PTH2R: variants seen among roughly 807,000 people sequenced by gnomAD.
The protein encoded by PTH2R is parathyroid hormone 2 receptor.
A neutral mutation model predicts 60.3 loss-of-function variants in PTH2R; 59 were observed. The ratio of observed to expected loss-of-function variants is 0.98; its 90% CI spans 0.79 to 1.22. The LOEUF (loss-of-function observed/expected upper bound fraction) is 1.22. Ranked by LOEUF, PTH2R falls within the 50% of genes most tolerant of loss-of-function variation. PTH2R has a pLI of 0.00. For missense variants in PTH2R, 749 were observed against 682.6 expected, an observed-to-expected ratio of 1.10 and a Z score of -1.08; for synonymous variants, 256 against 243.8, an observed-to-expected ratio of 1.05 and a Z score of -0.47.
chr2:208,362,365 A>T (rs1305284723), intron 1 of PTH2R, among the ~76,000 whole-genome samples: 3 of 152,228 alleles, frequency 2.0e-5, no homozygotes, highest in Non-Finnish European at 4.4e-5. Flanking sequence ...TCATATAGAT[A>T]TGATATCTAT....
At chr2:208,415,543 A>G (rs1474578585) in intron 1 of PTH2R, among the ~76,000 whole-genome samples, 1 of 152,224 alleles carries the variant, frequency 6.6e-6, no homozygotes, top group Non-Finnish European at 1.5e-5. Flanking sequence ...TGTCAAAATA[A>G]GAAGAGAAAA....
chr2:208,463,096 G>T (rs945947720), intron 9 of PTH2R, among the ~76,000 whole-genome samples: 20 of 152,094 alleles, frequency 1.3e-4, no homozygotes, highest in Non-Finnish European at 2.6e-4. Context: ...AGAGAGTTAG[G>T]GCTTGGAATT....
intron 1 of PTH2R, chr2:208,360,345 C>T (rs1413318097): frequency 3.2e-6 from 1 of 310,962 alleles, no homozygotes; most frequent in Non-Finnish European, 6.5e-6. Context: ...GCGGCCTCCC[C>T]GAGCCCCTCG....
In PTH2R at chr2:208,479,162, C is replaced by T. The variant is rs369483648; in HGVS notation, c.982-1908C>T. ...CATAGTCAATTTGGTTGGCCTTGAA[C>T]GTATCTTCTCAGTTATTAAATGGGT... On this transcript the variant is annotated intron_variant, in intron 9 of 12. Coordinates refer to ENST00000272847, the MANE Select transcript of PTH2R (RefSeq NM_005048.4). Among the ~76,000 whole-genome samples, 47 of 151,830 alleles carry T rather than the reference C, an allele frequency of 3.1e-4. 1 individual carries two copies. The East Asian group carries it at 4.1e-3, about 13-fold the overall frequency.
intron 1 of PTH2R, among the ~76,000 whole-genome samples, chr2:208,427,164 T>C (rs1321977712): frequency 6.6e-6 from 1 of 152,222 alleles, no homozygotes; most frequent in African/African-American, 2.4e-5. Context: ...TCACAATTTA[T>C]ACAATGTTTT....
At chr2:208,435,749 G>C (rs1254375477) in intron 2 of PTH2R, among the ~76,000 whole-genome samples, 4 of 152,182 alleles carry the variant, frequency 2.6e-5, no homozygotes, top group Non-Finnish European at 4.4e-5. Flanking sequence ...GCCCTGCCCA[G>C]CCCTTGATTT....
At chr2:208,427,378 C>T (rs1701877310) in intron 1 of PTH2R, among the ~76,000 whole-genome samples, 1 of 152,136 alleles carries the variant, frequency 6.6e-6, no homozygotes, top group Non-Finnish European at 1.5e-5. Flanking sequence ...AGATTTTAGG[C>T]TCACTTTCAG....
Position 208,480,070 on chromosome 2 carries a change from G to A in PTH2R, c.982-1000G>A, listed in dbSNP as rs187300408. Among the ~76,000 whole-genome samples, 177 of 152,268 alleles carry A rather than the reference G, an allele frequency of 1.2e-3. 1 individual carries two copies. The highest frequency in any genetic ancestry group is 4.2e-3 in the African/African-American group (173 of 41,548). ...GGTGCTCACAGGGTTGTCAGTGGTCGGATAGCAGTGAGTTTGGTGGGGTGT... is the reference window on the plus strand; with the variant it reads ...GGTGCTCACAGGGTTGTCAGTGGTCAGATAGCAGTGAGTTTGGTGGGGTGT... On this transcript the variant is annotated intron_variant, in intron 9 of 12. Transcript: ENST00000272847.
At chr2:208,485,262 T>C (rs1460172783) in intron 10 of PTH2R, among the ~76,000 whole-genome samples, 2 of 152,180 alleles carry the variant, frequency 1.3e-5, no homozygotes, top group African/African-American at 4.8e-5. Context: ...GGAATCTATT[T>C]TCTAAACAGG....
chr2:208,391,567 C>T (rs995578155), intron 1 of PTH2R, among the ~76,000 whole-genome samples: 2 of 152,164 alleles, frequency 1.3e-5, no homozygotes, highest in African/African-American at 4.8e-5. Flanking sequence ...TTTTGAACTT[C>T]AGGTTTCCAG....
intron 1 of PTH2R, among the ~76,000 whole-genome samples, chr2:208,424,747 A>C (rs142251723): frequency 1.3e-5 from 2 of 152,278 alleles, no homozygotes; most frequent in Non-Finnish European, 2.9e-5. Flanking sequence ...CTCAGGCTAA[A>C]TCTTCCTGGG....
At chr2:208,427,599 A>G (rs142509486) in intron 1 of PTH2R, among the ~76,000 whole-genome samples, 55 of 152,306 alleles carry the variant, frequency 3.6e-4, no homozygotes, top group East Asian at 1.7e-3. Context: ...TTTGTGCTGT[A>G]AATATCTTAG....
intron 9 of PTH2R, among the ~76,000 whole-genome samples, chr2:208,460,859 A>T (rs983327242): frequency 6.6e-6 from 1 of 152,178 alleles, no homozygotes; most frequent in Non-Finnish European, 1.5e-5. Flanking sequence ...TTGATTATTA[A>T]CTAATTTTGA....
chr2:208,377,199 A>G (rs1700809363), intron 1 of PTH2R, among the ~76,000 whole-genome samples: 1 of 152,134 alleles, frequency 6.6e-6, no homozygotes, highest in Admixed American at 6.5e-5. Flanking sequence ...GTAAGGTCAT[A>G]GATCAACAGC....
chr2:208,379,971 A>G (rs1700881364), intron 1 of PTH2R, among the ~76,000 whole-genome samples: 1 of 152,026 alleles, frequency 6.6e-6, no homozygotes, highest in African/African-American at 2.4e-5. Context: ...ATCCCAAATC[A>G]ATTATCCAGT....
At chr2:208,490,772 C>A in intron 12 of PTH2R, 92 bp downstream of exon 12, 4 of 1,256,608 alleles carry the variant, frequency 3.2e-6, no homozygotes, top group East Asian at 2.5e-5. Context: ...TCCAGGATTT[C>A]CAGGATGGAA....
At chr2:208,426,927 C>T (rs1031012807) in intron 1 of PTH2R, among the ~76,000 whole-genome samples, 6 of 152,140 alleles carry the variant, frequency 3.9e-5, no homozygotes, top group Admixed American at 1.3e-4. Context: ...TACTTGCTCC[C>T]GGCTAAACTG....
At chr2:208,466,068 C>G (rs1053600688) in intron 9 of PTH2R, among the ~76,000 whole-genome samples, 1 of 152,078 alleles carries the variant, frequency 6.6e-6, no homozygotes, top group Non-Finnish European at 1.5e-5. Context: ...ACTGCCAATA[C>G]GTGATTTCTA....
At chr2:208,398,001 A>C (rs939844772) in intron 1 of PTH2R, among the ~76,000 whole-genome samples, 2 of 152,244 alleles carry the variant, frequency 1.3e-5, no homozygotes, top group Non-Finnish European at 2.9e-5. Flanking sequence ...TCTGCCTAAA[A>C]TAATTTTTTA....
Sources: gnomAD v4.1 joint callset for allele counts (sites outside exome capture counted in the v4.1 genomes callset) on GRCh38, gnomAD v4.1.1 for gene constraint, MANE v1.5 for transcripts, NCBI Gene and HGNC (gene_info 2026-07-23, HGNC 2026-07-21) for gene names.